The following UBL4B variants were observed in gnomAD, a reference collection of about 807,000 sequenced individuals.
UBL4B encodes the protein ubiquitin-like protein 4B.
For missense variants in UBL4B, 194 were observed against 209.9 expected (o/e 0.92, Z 0.47); for synonymous variants, 94 against 92.8 (o/e 1.01, Z -0.08).
rs759261548 is a variant in UBL4B at position 110,113,320 on chromosome 1, C to T, written c.*261C>T. 150 of 493,836 alleles carry T rather than the reference C, an allele frequency of 3.0e-4. No homozygotes were observed. The highest frequency in any genetic ancestry group is 4.4e-4 in the Non-Finnish European group (121 of 277,982). 30.6% of individuals were successfully genotyped at this position (493,836 alleles called of 1,614,324 possible). On this transcript the variant is annotated 3_prime_UTR_variant, in exon 1 of 1. Transcript: ENST00000334179. The stretch of plus-strand genomic sequence containing the variant: ...CACCGGAGGGCAGCCCCAAAGGCCA[C>T]AGTCCCCTCCTGTGCTGGCAGCTTT...
In UBL4B at chr1:110,112,728, CCTCTATCAATGT is replaced by C. The variant is rs1307249914; in HGVS notation, c.196_207del (p.Ser66_Val69del). On this transcript the variant is annotated inframe_deletion, in exon 1 of 1. Transcript: ENST00000334179. ...TCTGACTACTGCATTGGGCCCAATG[CCTCTATCAATGT>C]CATCATGCAGCCCTTGGAGAAGATG... 6.2e-7 allele frequency: 1 copy of C among 1,614,078 alleles called. No homozygotes were observed. The highest frequency in any genetic ancestry group is 1.1e-5 in the South Asian group (1 of 91,082).
Sources: allele counts gnomAD v4.1 joint callset, GRCh38; gene constraint gnomAD v4.1.1; transcripts MANE v1.5; gene names NCBI Gene and HGNC (gene_info 2026-07-23, HGNC 2026-07-21).